Variants in A1CF observed in about 807,000 individuals in gnomAD.
A1CF encodes the protein APOBEC1 complementation factor.
A1CF carries 48 observed loss-of-function variants against 68.9 expected under a neutral mutation model. The ratio of observed to expected loss-of-function variants is 0.70; its 90% confidence interval spans 0.55 to 0.89. The LOEUF (loss-of-function observed/expected upper bound fraction) is 0.89, where lower values mean the gene tolerates loss of function less well. Ranked by LOEUF, A1CF falls within the 40% of genes least tolerant of loss-of-function variation. The pLI, the probability that A1CF is intolerant of heterozygous loss-of-function variation, is 0.00. For synonymous variants in A1CF, 272 were observed against 260.4 expected, an observed-to-expected ratio of 1.04 and a Z score of -0.43; for missense variants, 653 against 718.9, an observed-to-expected ratio of 0.91 and a Z score of 1.05.
rs1416952033 is a variant in A1CF at position 50,805,197 on chromosome 10, AT to A, written c.*1531del. The A allele has an allele frequency of 5.9e-5, 9 of 152,188 alleles. No individual in the cohort carries two copies. The East Asian group carries it at 1.7e-3, about 29-fold the overall frequency. 9.4% of individuals were successfully genotyped at this position (152,188 alleles called of 1,614,324 possible). ...AGAATTCCATTAAGGAGTTGACAAA[AT>A]TTTCCATGTCTTTGTGTTTATGTTT... On this transcript the variant is annotated 3_prime_UTR_variant, in exon 13 of 13. Coordinates refer to ENST00000373997, the MANE Select transcript of A1CF (RefSeq NM_014576.4).
At chr10:50,848,015 T>C (rs748279476) in intron 3 of A1CF, among the ~76,000 whole-genome samples, 4 of 152,176 alleles carry the variant, frequency 2.6e-5, no homozygotes, top group Non-Finnish European at 5.9e-5. Flanking sequence ...CACATGACAG[T>C]AATGACAGCA....
chr10:50,865,654 C>T (rs1365176634), intron 1 of A1CF, among the ~76,000 whole-genome samples: 1 of 152,298 alleles, frequency 6.6e-6, no homozygotes, highest in East Asian at 1.9e-4. Context: ...CTTTCTTACA[C>T]TTCCAGTTTC....
chr10:50,820,510 C>T (rs1275928429), intron 8 of A1CF, 42 bp downstream of exon 8: 1 of 1,571,804 alleles, frequency 6.4e-7, no homozygotes, highest in African/African-American at 1.4e-5. Flanking sequence ...CCACACCAAA[C>T]TTGGATGTAA....
At position 50,805,822 on chromosome 10, in the gene A1CF, T is replaced by C. The variant is rs559326068; in HGVS notation, c.*907A>G. 1.3e-5 allele frequency: 2 copies of C among 152,362 alleles called. No homozygotes were observed. Among genetic ancestry groups the C allele is most frequent in the South Asian group, 4.1e-4 (2 of 4,828 alleles). 9.4% of individuals were successfully genotyped at this position (152,362 alleles called of 1,614,324 possible). On this transcript the variant is annotated 3_prime_UTR_variant, in exon 13 of 13. Coordinates refer to ENST00000373997, the MANE Select transcript of A1CF (RefSeq NM_014576.4). ...TAAAATGACTTTTCAGTCAATTTGC[T>C]GAAAGGAAGAAGTATCATAAATGAT...
At chr10:50,857,621 C>T (rs1840547264) in intron 3 of A1CF, among the ~76,000 whole-genome samples, 1 of 152,106 alleles carries the variant, frequency 6.6e-6, no homozygotes, top group South Asian at 2.1e-4. Context: ...CAGGAGAAAC[C>T]ACTTAGACAG....
At chr10:50,840,774 A>G (rs1289228271) in intron 5 of A1CF, among the ~76,000 whole-genome samples, 3 of 152,178 alleles carry the variant, frequency 2.0e-5, no homozygotes, top group Non-Finnish European at 4.4e-5. Flanking sequence ...CTCCCCTGGG[A>G]TGTTCAATGT....
chr10:50,807,801 T>C (rs895604183), intron 12 of A1CF, among the ~76,000 whole-genome samples: 1 of 152,202 alleles, frequency 6.6e-6, no homozygotes, highest in African/African-American at 2.4e-5. Context: ...TGGGCACCTA[T>C]TTTTCATTGT....
At position 50,803,454 on chromosome 10, in the gene A1CF, C is replaced by T. The variant is rs777102114; in HGVS notation, c.*3275G>A. 3.9e-5 allele frequency: 6 copies of T among 152,216 alleles called. No individual in the cohort carries two copies. The highest frequency in any genetic ancestry group is 7.4e-5 in the Non-Finnish European group (5 of 68,010). The allele number at this position is 152,216 out of a possible 1,614,324, so 9.4% of individuals were successfully genotyped here. A position where few individuals can be genotyped will look rare whatever the true frequency, so the allele number is the denominator to read the frequency against. ...ATGAGGTAGCTTTTTAGCAGCATTT[C>T]GGGTGCTGTTCCCCAAACATAGTGT... On this transcript the variant is annotated 3_prime_UTR_variant, in exon 13 of 13. Transcript: ENST00000373997.
intron 3 of A1CF, 118 bp downstream of exon 3, chr10:50,859,724 G>T (rs1425998589): frequency 1.3e-6 from 1 of 794,148 alleles, no homozygotes; most frequent in Non-Finnish European, 2.0e-6. Context: ...TTTAGAAAGG[G>T]ACATTTCTCT....
Position 50,810,002 on chromosome 10 carries a change from C to T in A1CF, c.1501G>A (p.Glu501Lys). ...TATTCGGCTGCATACGTCTTTGCTT[C>T]ATCCACAAAGGCACTCAGCTTTGGA... The part of the protein sequence containing the change: ...TPPKLSAFVD[E>K]AKTYAAEYTL... The change falls in exon 12 of 13, where the codon GAA (glutamate) becomes AAA (lysine). Residue 501 changes from glutamate to lysine, a missense_variant. By Grantham distance (56) the Glu-to-Lys change is moderately conservative. Coordinates refer to ENST00000373997, the MANE Select transcript of A1CF (RefSeq NM_014576.4). 1 of 1,613,988 alleles carries T rather than the reference C, an allele frequency of 6.2e-7. No individual in the cohort carries two copies. The highest frequency in any genetic ancestry group is 8.5e-7 in the Non-Finnish European group (1 of 1,179,918).
intron 2 of A1CF, among the ~76,000 whole-genome samples, chr10:50,861,595 T>C (rs1840749010): frequency 6.8e-6 from 1 of 148,022 alleles, no homozygotes; most frequent in African/African-American, 2.4e-5. Context: ...ATAGCACCAA[T>C]ATTAGTACCA....
rs1838238288 is a variant in A1CF at position 50,813,879 on chromosome 10, T to C, written c.1301A>G (p.Gln434Arg). 1 of 1,613,688 alleles carries C rather than the reference T, an allele frequency of 6.2e-7. No homozygotes were observed. Among genetic ancestry groups the C allele is most frequent in the South Asian group, 1.1e-5 (1 of 91,084 alleles). Residue 434 changes from glutamine to arginine, a missense_variant, in exon 10 of 13, where the codon CAA becomes CGA. Physicochemically the swap from Gln to Arg is conservative, Grantham distance 43. Transcript: ENST00000373997. Reference sequence around the variant, plus strand: ...TACCTGGGGAGCGAGTTTAATTCCTTGGGGTTTTAATGTGACAGGATTCAT... The same window carrying C: ...TACCTGGGGAGCGAGTTTAATTCCTCGGGGTTTTAATGTGACAGGATTCAT... The part of the protein sequence containing the change: ...TPMNPVTLKP[Q>R]GIKLAPQILE...
Position 50,813,866 on chromosome 10 carries a change from G to C in A1CF, c.1314C>G (p.Leu438=), listed in dbSNP as rs1224658129. The change falls in exon 10 of 13, where the codon CTC becomes CTG. Residue 438 remains leucine, a synonymous_variant. Coordinates refer to ENST00000373997, the MANE Select transcript of A1CF (RefSeq NM_014576.4). ...GAATAACATTACCTACCTGGGGAGC[G>C]AGTTTAATTCCTTGGGGTTTTAATG... is the stretch of plus-strand genomic sequence containing the variant. ...PVTLKPQGIK[L]APQILEEICQ... The C allele has an allele frequency of 1.2e-6, 2 of 1,613,444 alleles. No homozygotes were observed. Among genetic ancestry groups the C allele is most frequent in the East Asian group, 2.2e-5 (1 of 44,870 alleles).
intron 12 of A1CF, among the ~76,000 whole-genome samples, chr10:50,808,568 G>GC (rs1323108501): frequency 6.6e-6 from 1 of 152,172 alleles, no homozygotes; most frequent in Non-Finnish European, 1.5e-5. Context: ...TATGTGGAAA[G>GC]CAAGCACTGG....
chr10:50,837,297 C>T (rs184102169), intron 5 of A1CF, among the ~76,000 whole-genome samples: 2 of 152,268 alleles, frequency 1.3e-5, no homozygotes, highest in East Asian at 1.9e-4. Flanking sequence ...CTGTTTCTTC[C>T]ACTGTACAGA....
rs1837787054 is a variant in A1CF at position 50,805,742 on chromosome 10, G to C, written c.*987C>G. ...AAGCATCTCTGATTGCTAGATGGTG[G>C]GGTGGATACTGCAACAATATCAAAG... On this transcript the variant is annotated 3_prime_UTR_variant, in exon 13 of 13. Coordinates refer to ENST00000373997, the MANE Select transcript of A1CF (RefSeq NM_014576.4). 1 of 152,166 alleles carries C rather than the reference G, an allele frequency of 6.6e-6. No individual in the cohort carries two copies. The highest frequency in any genetic ancestry group is 1.5e-5 in the Non-Finnish European group (1 of 68,024). 9.4% of individuals were successfully genotyped at this position (152,166 alleles called of 1,614,324 possible).
In A1CF at chr10:50,802,606, G is replaced by C. The variant is rs1837643795; in HGVS notation, c.*4123C>G. 2.0e-5 allele frequency: 3 copies of C among 152,140 alleles called. No individual in the cohort carries two copies. The highest frequency in any genetic ancestry group is 2.0e-4 in the Admixed American group (3 of 15,282). 9.4% of individuals were successfully genotyped at this position (152,140 alleles called of 1,614,324 possible). On this transcript the variant is annotated 3_prime_UTR_variant, in exon 13 of 13. Coordinates refer to ENST00000373997, the MANE Select transcript of A1CF (RefSeq NM_014576.4). ...GGGAACTTTTATATGAATGCAAGAAGAGAATAATCATGACTTTATGTGAAT... is the reference window on the plus strand; with the variant it reads ...GGGAACTTTTATATGAATGCAAGAACAGAATAATCATGACTTTATGTGAAT...
At position 50,859,225 on chromosome 10, in the gene A1CF, C is replaced by T. The variant is rs532303079; in HGVS notation, c.99+617G>A. Among the ~76,000 whole-genome samples, 14 of 152,136 alleles carry T rather than the reference C, an allele frequency of 9.2e-5. No individual in the cohort carries two copies. The East Asian group carries it at 2.5e-3, about 27-fold the overall frequency. ...CATTTTTTTAAATGCAGCATAAGTT[C>T]TCTAAAAGAAGATATCATAAAGATA... On this transcript the variant is annotated intron_variant, in intron 3 of 12. Transcript: ENST00000373997.
intron 1 of A1CF, among the ~76,000 whole-genome samples, chr10:50,879,250 C>T (rs1589054434): frequency 6.6e-6 from 1 of 152,208 alleles, no homozygotes; most frequent in Non-Finnish European, 1.5e-5. Flanking sequence ...AGACACAGAC[C>T]TAGCAGCCCA....
Sources: gnomAD v4.1 joint callset for allele counts (sites outside exome capture counted in the v4.1 genomes callset) on GRCh38, gnomAD v4.1.1 for gene constraint, MANE v1.5 for transcripts, NCBI Gene and HGNC (gene_info 2026-07-23, HGNC 2026-07-21) for gene names.